Variants in TRAPPC10 observed in about 807,000 individuals in gnomAD.
TRAPPC10 encodes the protein trafficking protein particle complex subunit 10.
TRAPPC10 carries 23 observed loss-of-function variants against 125.5 expected under a neutral mutation model. That is an observed-to-expected ratio of 0.18 (90% CI 0.13 to 0.26). The LOEUF is 0.26. Among genes scored for constraint, TRAPPC10 ranks in the 10% least tolerant of loss-of-function variants. The probability of loss-of-function intolerance (pLI) is 1.00; values close to 1 mark genes in which losing one functional copy is unlikely to be tolerated. For synonymous variants in TRAPPC10, 509 were observed against 518.0 expected (o/e 0.98, Z 0.24); for missense variants, 1,123 against 1,308.4 (o/e 0.86, Z 2.19).
rs1222794636 is a variant in TRAPPC10, at chr21:44,055,753, A to G, written c.538A>G (p.Asn180Asp). ...KDSSRTQESW[N>D]AFLTKLRTLL... ...CTCTTCTCGAACTCAGGAATCCTGGAATGCCTTCCTGACCAAACTCAGGAC... is the reference window on the plus strand; with the variant it reads ...CTCTTCTCGAACTCAGGAATCCTGGGATGCCTTCCTGACCAAACTCAGGAC... Residue 180 changes from asparagine to aspartate, a missense_variant, in exon 5 of 23, where the codon AAT (asparagine) becomes GAT (aspartate). Physicochemically the swap from Asn to Asp is conservative, Grantham distance 23. Around this residue, in one of 4 missense-constraint regions of TRAPPC10, gnomAD observed 177 missense variants for 228.9 expected, o/e 0.77. Transcript: ENST00000291574. 2.5e-6 allele frequency: 4 copies of G among 1,613,332 alleles called. No homozygotes were observed. The Admixed American group carries it at 6.7e-5, about 27-fold the overall frequency.
chr21:44,015,529 G>C (rs2031730292), intron 1 of TRAPPC10, among the ~76,000 whole-genome samples: 1 of 151,904 alleles, frequency 6.6e-6, no homozygotes, highest in Admixed American at 6.6e-5. Context: ...CCCTCCCTTA[G>C]CCTGCCAAGT....
At chr21:44,062,898 A>T in intron 6 of TRAPPC10, 1 of 985,322 alleles carries the variant, frequency 1.0e-6, no homozygotes. Flanking sequence ...TGATTGATGG[A>T]CTTGTTATTA....
chr21:44,031,751 G>T (rs1601594183), intron 1 of TRAPPC10, among the ~76,000 whole-genome samples: 1 of 152,196 alleles, frequency 6.6e-6, no homozygotes, highest in Non-Finnish European at 1.5e-5. Flanking sequence ...GAAAGTGGAG[G>T]CTGTAGAACA....
intron 3 of TRAPPC10, among the ~76,000 whole-genome samples, chr21:44,043,492 G>C (rs1452608485): frequency 6.6e-6 from 1 of 152,114 alleles, no homozygotes; most frequent in African/African-American, 2.4e-5. Context: ...GATTGCAAGC[G>C]TGAGCCACCG....
intron 1 of TRAPPC10, among the ~76,000 whole-genome samples, chr21:44,017,114 A>T (rs2031954694): frequency 6.6e-6 from 1 of 152,222 alleles, no homozygotes; most frequent in Non-Finnish European, 1.5e-5. Flanking sequence ...TTTCATATTG[A>T]ATTCTCAAGG....
At chr21:44,037,739 C>G in intron 2 of TRAPPC10, 53 bp from the exon 3 acceptor site, 1 of 1,579,720 alleles carries the variant, frequency 6.3e-7, no homozygotes, top group Non-Finnish European at 8.6e-7. Context: ...TTCCCCTCTT[C>G]TGATGAATGC....
rs2036200364 is a variant in TRAPPC10 at position 44,063,423 on chromosome 21, C to T, written c.791-115C>T. On this transcript the variant is annotated intron_variant, in intron 6 of 22. Coordinates refer to ENST00000291574, the MANE Select transcript of TRAPPC10 (RefSeq NM_003274.5). The surrounding 1 kb of genome is among the most constrained non-coding windows in gnomAD (Gnocchi z 4.4). ...AGACCACAGGGGGTGGGCCAGTGTT[C>T]ATAGAAAAACTGGTTATGAAGCTGC... The T allele has an allele frequency of 3.5e-6, 5 of 1,448,514 alleles. No individual in the cohort carries two copies. Among genetic ancestry groups the T allele is most frequent in the Non-Finnish European group, 4.7e-6 (5 of 1,069,284 alleles). The allele number at this position is 1,448,514 out of a possible 1,614,324, so 89.7% of individuals were successfully genotyped here. A position where few individuals can be genotyped will look rare whatever the true frequency, so the allele number is the denominator to read the frequency against.
At position 44,087,790 on chromosome 21, in the gene TRAPPC10, A is replaced by G; in HGVS notation, c.2631A>G (p.Glu877=). The change falls in exon 17 of 23, where the codon GAA becomes GAG. Residue 877 remains glutamate, a synonymous_variant. Coordinates refer to ENST00000291574, the MANE Select transcript of TRAPPC10 (RefSeq NM_003274.5). This position sits in a 1 kb window ranked among gnomAD's most constrained non-coding sequence, Gnocchi z 4.6. Reference sequence around the variant, plus strand: ...TTGCGCCTGCGTACCACGTGATCGAATTTGAACTGGAAGTTCTCTCTTTAC... The same window carrying G: ...TTGCGCCTGCGTACCACGTGATCGAGTTTGAACTGGAAGTTCTCTCTTTAC... ...LPVAPAYHVI[E]FELEVLSLPS... is the part of the protein sequence containing the mutation. 2 of 1,614,208 alleles carry G rather than the reference A, an allele frequency of 1.2e-6. No individual in the cohort carries two copies. The highest frequency in any genetic ancestry group is 1.7e-6 in the Non-Finnish European group (2 of 1,180,034).
chr21:44,040,702 A>G (rs1339819343), intron 3 of TRAPPC10, among the ~76,000 whole-genome samples: 1 of 149,306 alleles, frequency 6.7e-6, no homozygotes, highest in Non-Finnish European at 1.5e-5. Flanking sequence ...GTTCACTGCA[A>G]CCTCCGCCCC....
chr21:44,022,107 T>C (rs1353645170), intron 1 of TRAPPC10, among the ~76,000 whole-genome samples: 1 of 151,612 alleles, frequency 6.6e-6, no homozygotes, highest in Non-Finnish European at 1.5e-5. Context: ...TTCTTTCTTT[T>C]GTTTTTGTTT....
intron 8 of TRAPPC10, among the ~76,000 whole-genome samples, chr21:44,074,718 G>A (rs529220159): frequency 6.6e-6 from 1 of 152,344 alleles, no homozygotes; most frequent in Admixed American, 6.5e-5. Flanking sequence ...TGAGTCGGGG[G>A]ACACGAGGGT....
At chr21:44,046,384 G>A (rs188086442) in intron 3 of TRAPPC10, 2 of 273,622 alleles carry the variant, frequency 7.3e-6, no homozygotes, top group East Asian at 1.1e-4. Context: ...CCCAGTCAGA[G>A]ATTTGTGGGT....
In TRAPPC10 at chr21:44,083,164, C is replaced by T. The variant is rs1354853162; in HGVS notation, c.2100C>T (p.His700=). 6 of 1,614,140 alleles carry T rather than the reference C, an allele frequency of 3.7e-6. No individual in the cohort carries two copies. Among genetic ancestry groups the T allele is most frequent in the Non-Finnish European group, 5.1e-6 (6 of 1,180,054 alleles). The change falls in exon 14 of 23, where the codon CAC becomes CAT. Residue 700 remains histidine (H), a synonymous_variant. Coordinates refer to ENST00000291574, the MANE Select transcript of TRAPPC10 (RefSeq NM_003274.5). ...NTTGIICRNV[H]MLLRRQESSS... ...CTGGGATTATCTGCAGAAACGTCCACATGCTCCTGAGAAGGCAGGAGAGCA... is the reference window on the plus strand; with the variant it reads ...CTGGGATTATCTGCAGAAACGTCCATATGCTCCTGAGAAGGCAGGAGAGCA...
At position 44,059,303 on chromosome 21, in the gene TRAPPC10, C is replaced by G; in HGVS notation, c.790+89C>G. 6 of 849,266 alleles carry G rather than the reference C, an allele frequency of 7.1e-6. No homozygotes were observed. Among genetic ancestry groups the G allele is most frequent in the Non-Finnish European group, 1.1e-5 (6 of 532,030 alleles). The allele number at this position is 849,266 out of a possible 1,614,324, so 52.6% of individuals were successfully genotyped here. On this transcript the variant is annotated intron_variant, in intron 6 of 22. Transcript: ENST00000291574. This position sits in a 1 kb window ranked among gnomAD's most constrained non-coding sequence, Gnocchi z 4.4. ...GCTTGAAGCAGCCATTTATTTACCT[C>G]AGGAGTACGCATGTTTTGTTGTTGT...
intron 7 of TRAPPC10, among the ~76,000 whole-genome samples, chr21:44,073,621 G>A (rs1428763286): frequency 6.6e-6 from 1 of 152,142 alleles, no homozygotes; most frequent in Non-Finnish European, 1.5e-5. Context: ...GTTACAGTAG[G>A]CGCGGTACCT....
intron 3 of TRAPPC10, chr21:44,047,036 A>T: frequency 1.4e-6 from 1 of 722,322 alleles, no homozygotes; most frequent in African/African-American, 1.8e-5. Context: ...CCTTACTGCC[A>T]GCCATTTCGA....
In TRAPPC10 at chr21:44,063,916, C is replaced by A; in HGVS notation, c.1038+131C>A. On this transcript the variant is annotated intron_variant, in intron 7 of 22. Coordinates refer to ENST00000291574, the MANE Select transcript of TRAPPC10 (RefSeq NM_003274.5). This position sits in a 1 kb window ranked among gnomAD's most constrained non-coding sequence, Gnocchi z 4.4. Reference sequence around the variant, plus strand: ...TTCTTTTCTGAATGCCTTTAATTTTCAGTATATTGTTTGCTTAGTTACTTT... The same window carrying A: ...TTCTTTTCTGAATGCCTTTAATTTTAAGTATATTGTTTGCTTAGTTACTTT... 1 of 1,279,682 alleles carries A rather than the reference C, an allele frequency of 7.8e-7. No individual in the cohort carries two copies. 79.3% of individuals were successfully genotyped at this position (1,279,682 alleles called of 1,614,324 possible). A position where few individuals can be genotyped will look rare whatever the true frequency, so the allele number is the denominator to read the frequency against.
intron 3 of TRAPPC10, among the ~76,000 whole-genome samples, chr21:44,039,060 T>C (rs1569156870): frequency 2.0e-5 from 3 of 152,210 alleles, no homozygotes; most frequent in African/African-American, 4.8e-5. Context: ...TAATGTTCGA[T>C]TTGATCACTC....
chr21:44,028,363 A>T (rs1232239908), intron 1 of TRAPPC10, among the ~76,000 whole-genome samples: 1 of 152,104 alleles, frequency 6.6e-6, no homozygotes, highest in Non-Finnish European at 1.5e-5. Flanking sequence ...CTGGGGGCCC[A>T]TCCAGCGGCT....
Sources: gnomAD v4.1 joint callset for allele counts (sites outside exome capture counted in the v4.1 genomes callset) on GRCh38, gnomAD v4.1.1 for gene constraint, gnomAD v4.1.1 regional missense constraint, Gnocchi (gnomAD v3.1) non-coding constraint, MANE v1.5 for transcripts, NCBI Gene and HGNC (gene_info 2026-07-23, HGNC 2026-07-21) for gene names.